The following METTL15 variants were observed in gnomAD, a reference collection of about 807,000 sequenced individuals.
The protein encoded by METTL15 is methyltransferase 15, mitochondrial 12S rRNA N4-cytidine.
METTL15 carries 34 observed loss-of-function variants against 38.3 expected under a neutral mutation model. The observed-to-expected ratio is 0.89, with a 90% CI of 0.68 to 1.18. The LOEUF is 1.18. Ranked by LOEUF, METTL15 falls within the 50% of genes most tolerant of loss-of-function variation. The pLI is 0.00. For missense variants in METTL15, 438 were observed against 498.4 expected (o/e 0.88, Z 1.15); for synonymous variants, 162 against 170.9 (o/e 0.95, Z 0.41).
At chr11:28,481,258 T>G (rs1011128778) in intron 6 of METTL15, among the ~76,000 whole-genome samples, 1 of 152,208 alleles carries the variant, frequency 6.6e-6, no homozygotes, top group Non-Finnish European at 1.5e-5. Flanking sequence ...GAATGCAGTC[T>G]TGCTGACACT....
intron 3 of METTL15, among the ~76,000 whole-genome samples, chr11:28,185,925 T>C (rs1043836235): frequency 6.7e-5 from 10 of 149,656 alleles, no homozygotes; most frequent in Non-Finnish European, 1.0e-4. Context: ...CTAATATATA[T>C]ACATATATTT....
intron 6 of METTL15, among the ~76,000 whole-genome samples, chr11:28,525,195 T>C (rs1396006382): frequency 6.6e-6 from 1 of 152,094 alleles, no homozygotes; most frequent in Non-Finnish European, 1.5e-5. Flanking sequence ...GCTTCCACAG[T>C]GTGGAAGAGG....
chr11:28,384,296 CTTTG>C (rs1415223208), intron 5 of METTL15, among the ~76,000 whole-genome samples: 1 of 150,624 alleles, frequency 6.6e-6, no homozygotes, highest in Admixed American at 6.6e-5. Context: ...ATGCAGATGT[CTTTG>C]TTTTTCTTTC....
At chr11:28,287,685 A>T (rs1180455214) in intron 4 of METTL15, 3 of 152,432 alleles carry the variant, frequency 2.0e-5, no homozygotes, top group South Asian at 4.1e-4. Context: ...AAATAAATTA[A>T]TTTTTTCTCA....
chr11:28,238,436 C>T (rs974721489), intron 4 of METTL15, among the ~76,000 whole-genome samples: 2 of 152,184 alleles, frequency 1.3e-5, no homozygotes, highest in African/African-American at 4.8e-5. Flanking sequence ...TCTCCTGGTG[C>T]GCCGTTTCCT....
intron 6 of METTL15, among the ~76,000 whole-genome samples, chr11:28,487,784 C>T (rs577033069): frequency 1.1e-4 from 16 of 152,186 alleles, no homozygotes; most frequent in Non-Finnish European, 1.0e-4. Flanking sequence ...ACACTAGCTC[C>T]TTTCCTTGGC....
chr11:28,175,347 T>C (rs936520902), intron 3 of METTL15, among the ~76,000 whole-genome samples: 15 of 152,190 alleles, frequency 9.9e-5, no homozygotes, highest in Non-Finnish European at 2.1e-4. Flanking sequence ...CAGTCTATCA[T>C]TGTTGGACAT....
chr11:28,390,211 G>C (rs1239836048), intron 5 of METTL15, among the ~76,000 whole-genome samples: 1 of 151,692 alleles, frequency 6.6e-6, no homozygotes, highest in Non-Finnish European at 1.5e-5. Flanking sequence ...TTCTTTTGCT[G>C]TGCAGAAGCT....
chr11:28,226,374 T>A (rs1853477878), intron 4 of METTL15, among the ~76,000 whole-genome samples: 1 of 151,966 alleles, frequency 6.6e-6, no homozygotes, highest in African/African-American at 2.4e-5. Context: ...TCAGAAAAGA[T>A]TAAACAAACA....
At chr11:28,205,630 G>C (rs1263025761) in intron 3 of METTL15, among the ~76,000 whole-genome samples, 1 of 151,968 alleles carries the variant, frequency 6.6e-6, no homozygotes, top group African/African-American at 2.4e-5. Flanking sequence ...CCAGTAATGG[G>C]ATTGCTGGGT....
chr11:28,305,012 A>G (rs1253198799), intron 6 of METTL15, among the ~76,000 whole-genome samples: 1 of 152,188 alleles, frequency 6.6e-6, no homozygotes, highest in African/African-American at 2.4e-5. Context: ...TGCCACTGCT[A>G]TGAAAATTAC....
chr11:28,374,046 C>T (rs1360117810), intron 5 of METTL15, among the ~76,000 whole-genome samples: 1 of 152,104 alleles, frequency 6.6e-6, no homozygotes, highest in Non-Finnish European at 1.5e-5. Context: ...GGTACCAGTG[C>T]CATGCTGTTT....
chr11:28,471,646 A>T (rs898770081), intron 6 of METTL15, among the ~76,000 whole-genome samples: 3 of 152,132 alleles, frequency 2.0e-5, no homozygotes, highest in Admixed American at 6.6e-5. Flanking sequence ...TCTGGAACAG[A>T]ACATAACACA....
At chr11:28,256,837 A>G (rs1216497254) in intron 4 of METTL15, among the ~76,000 whole-genome samples, 1 of 152,044 alleles carries the variant, frequency 6.6e-6, no homozygotes, top group African/African-American at 2.4e-5. Flanking sequence ...GTAGGCATTT[A>G]CAGCTGTAAA....
intron 3 of METTL15, among the ~76,000 whole-genome samples, chr11:28,207,706 C>G (rs563341464): frequency 2.6e-5 from 4 of 152,158 alleles, no homozygotes; most frequent in Non-Finnish European, 5.9e-5. Context: ...CCTTGTGCCT[C>G]TGGTAGAATT....
intron 5 of METTL15, among the ~76,000 whole-genome samples, chr11:28,418,611 C>G (rs1280174467): frequency 2.6e-5 from 4 of 152,208 alleles, no homozygotes; most frequent in Middle Eastern, 3.4e-3. Context: ...TTCATAAACG[C>G]TAAAAATCAG....
intron 3 of METTL15, among the ~76,000 whole-genome samples, chr11:28,115,597 T>A (rs34701283): frequency 6.6e-6 from 1 of 151,956 alleles, no homozygotes; most frequent in Admixed American, 6.6e-5. Flanking sequence ...TTATATACTG[T>A]ATTCTTACAA....
chr11:28,374,193 T>G (rs1226384481), intron 5 of METTL15, among the ~76,000 whole-genome samples: 2 of 152,164 alleles, frequency 1.3e-5, no homozygotes, highest in Non-Finnish European at 2.9e-5. Context: ...TTTTTCCAAT[T>G]CTGTGAAGAA....
intron 4 of METTL15, among the ~76,000 whole-genome samples, chr11:28,249,933 A>G (rs1854667680): frequency 6.6e-6 from 1 of 151,842 alleles, no homozygotes; most frequent in Admixed American, 6.6e-5. Flanking sequence ...GTCCATGTGT[A>G]TTCAGTGTTT....
Sources: gnomAD v4.1 joint callset for allele counts (sites outside exome capture counted in the v4.1 genomes callset) on GRCh38, gnomAD v4.1.1 for gene constraint, MANE v1.5 for transcripts, NCBI Gene and HGNC (gene_info 2026-07-23, HGNC 2026-07-21) for gene names.